PPP2R3C: variants seen among roughly 807,000 people sequenced by gnomAD.
The protein encoded by PPP2R3C is protein phosphatase 2 regulatory subunit B''gamma, also known as serine/threonine-protein phosphatase 2A regulatory subunit B'' subunit gamma.
A neutral mutation model predicts 63.7 loss-of-function variants in PPP2R3C; 47 were observed. That is an observed-to-expected ratio of 0.74 (90% CI 0.58 to 0.94). PPP2R3C has a LOEUF of 0.94. Ranked by LOEUF, PPP2R3C falls within the 40% of genes least tolerant of loss-of-function variation. The pLI is 0.00. For synonymous variants in PPP2R3C, 180 were observed against 177.4 expected (o/e 1.01, Z -0.12); for missense variants, 421 against 518.4 (o/e 0.81, Z 1.82).
chr14:35,108,576 T>G (rs1365373588), intron 4 of PPP2R3C, among the ~76,000 whole-genome samples: 1 of 151,878 alleles, frequency 6.6e-6, no homozygotes, highest in Admixed American at 6.6e-5. Context: ...GTATTTATAT[T>G]GTATTATATT....
Position 35,118,875 on chromosome 14 carries a change from C to T in PPP2R3C, c.59-2138G>A, listed in dbSNP as rs566950443. Among the ~76,000 whole-genome samples the T allele has an allele frequency of 2.0e-5, 3 of 151,522 alleles. No homozygotes were observed. In the East Asian group the frequency reaches 5.9e-4, roughly 30 times the overall value. On this transcript the variant is annotated intron_variant, in intron 1 of 12. Transcript: ENST00000261475. Reference sequence around the variant, plus strand: ...CACCACGTTGGCCAGGCTGGTCTGTCTCCTGACCTCAGGTGATCCACCCAC... The same window carrying T: ...CACCACGTTGGCCAGGCTGGTCTGTTTCCTGACCTCAGGTGATCCACCCAC...
chr14:35,090,396 C>T (rs1188329454), intron 11 of PPP2R3C, among the ~76,000 whole-genome samples: 1 of 151,776 alleles, frequency 6.6e-6, no homozygotes, highest in East Asian at 1.9e-4. Flanking sequence ...CATGTGGACC[C>T]AGTTATTGGG....
Position 35,096,553 on chromosome 14 carries a change from C to T in PPP2R3C, c.838+5G>A, listed in dbSNP as rs1384676850. The stretch of plus-strand genomic sequence containing the variant: ...TCAAATTTTAGCATTATGATAGGAA[C>T]ATACCATAAACTCTTAGGGCAGAAG... On this transcript the variant is annotated splice_donor_5th_base_variant and intron_variant, in intron 9 of 12. Transcript: ENST00000261475. The T allele has an allele frequency of 4.3e-6, 7 of 1,609,566 alleles. No homozygotes were observed. The highest frequency in any genetic ancestry group is 6.0e-6 in the Non-Finnish European group (7 of 1,176,270).
chr14:35,121,784 G>C (rs1267843836), intron 1 of PPP2R3C, 118 bp downstream of exon 1: 16 of 1,134,078 alleles, frequency 1.4e-5, no homozygotes, highest in Non-Finnish European at 1.9e-5. Flanking sequence ...CTCCTTTGTC[G>C]GGAGGTTTCA....
At chr14:35,103,074 C>T (rs2046249584) in intron 6 of PPP2R3C, among the ~76,000 whole-genome samples, 1 of 152,116 alleles carries the variant, frequency 6.6e-6, no homozygotes, top group South Asian at 2.1e-4. Flanking sequence ...CTTTGAGTTC[C>T]TTACATCCTC....
intron 11 of PPP2R3C, among the ~76,000 whole-genome samples, chr14:35,088,674 G>A (rs2045688436): frequency 1.3e-5 from 2 of 152,168 alleles, no homozygotes; most frequent in Non-Finnish European, 2.9e-5. Flanking sequence ...TCCCTTTGAA[G>A]TAGATAAGAA....
chr14:35,091,299 A>G, intron 10 of PPP2R3C, 92 bp from the exon 11 acceptor site: 1 of 1,249,394 alleles, frequency 8.0e-7, no homozygotes, highest in Non-Finnish European at 1.1e-6. Flanking sequence ...TTGCAATCAA[A>G]GGTGGCAAAT....
At chr14:35,117,155 C>G (rs1257088471) in intron 1 of PPP2R3C, 1 of 455,856 alleles carries the variant, frequency 2.2e-6, no homozygotes, top group Non-Finnish European at 4.4e-6. Context: ...GAGTTTCAGC[C>G]TCATAATCAC....
intron 12 of PPP2R3C, 25 bp downstream of exon 12, chr14:35,087,926 T>C (rs775120135): frequency 1.3e-6 from 2 of 1,530,486 alleles, no homozygotes; most frequent in East Asian, 4.5e-5. Flanking sequence ...TATCTGGTAA[T>C]ACGTAAATTA....
chr14:35,100,919 CTG>C (rs2046165050), intron 6 of PPP2R3C: 1 of 152,258 alleles, frequency 6.6e-6, no homozygotes, highest in African/African-American at 2.4e-5. Context: ...GTGTCAGCCA[CTG>C]TGCCTGGTTA....
chr14:35,109,970 AAAC>A (rs757816793), intron 3 of PPP2R3C, 39 bp from the exon 4 acceptor site: 50 of 1,429,894 alleles, frequency 3.5e-5, no homozygotes, highest in South Asian at 5.0e-5. Flanking sequence ...TGTAAGTTAA[AAAC>A]AACAAGATTT....
intron 12 of PPP2R3C, 22 bp downstream of exon 12, chr14:35,087,929 G>A (rs777760736): frequency 6.6e-5 from 103 of 1,550,586 alleles, no homozygotes; most frequent in South Asian, 3.7e-4. Flanking sequence ...CTGGTAATAC[G>A]TAAATTAAAG....
In PPP2R3C at chr14:35,085,673, A is replaced by T; in HGVS notation, c.1279T>A (p.Leu427Met). The T allele has an allele frequency of 6.2e-7, 1 of 1,613,502 alleles. No individual in the cohort carries two copies. The change falls in exon 13 of 13, where the codon TTG becomes ATG. Residue 427 changes from leucine to methionine, a missense_variant. This residue lies in a region of PPP2R3C where 231 missense variants were observed against 264.8 expected (regional missense o/e 0.87). Transcript: ENST00000261475. ...GDTVTTILID[L>M]NGFWTYENRE... is the part of the protein sequence containing the mutation. ...TTCTCGTAAGTCCAGAAGCCATTCA[A>T]ATCGATTAGAATGGTGGTTACTGTG...
chr14:35,102,082 A>G (rs2046215366), intron 6 of PPP2R3C: 1 of 142,992 alleles, frequency 7.0e-6, no homozygotes, highest in Non-Finnish European at 1.5e-5. Flanking sequence ...GCTGGAGTGC[A>G]GTGGCGCAAT....
chr14:35,115,411 G>A lies in PPP2R3C; in HGVS notation c.186+1199C>T, dbSNP rs533573736. Among the ~76,000 whole-genome samples, 17 of 151,402 alleles carry A rather than the reference G, an allele frequency of 1.1e-4. 1 individual carries two copies. In the South Asian group the frequency reaches 3.6e-3, roughly 32 times the overall value. On this transcript the variant is annotated intron_variant, in intron 2 of 12. Coordinates refer to ENST00000261475, the MANE Select transcript of PPP2R3C (RefSeq NM_017917.4). ...TGGCCTCAAGTGATCCTCCTGATTTGATGGCCTCCCAAAGTGACAGGATTA... is the reference window on the plus strand; with the variant it reads ...TGGCCTCAAGTGATCCTCCTGATTTAATGGCCTCCCAAAGTGACAGGATTA...
At chr14:35,098,505 T>C (rs1461343145) in intron 7 of PPP2R3C, among the ~76,000 whole-genome samples, 2 of 151,592 alleles carry the variant, frequency 1.3e-5, no homozygotes, top group African/African-American at 4.8e-5. Flanking sequence ...AGCCACCGTG[T>C]CCAGCCAATT....
In PPP2R3C at chr14:35,091,112, G is replaced by C. The variant is rs769611063; in HGVS notation, c.1071C>G (p.Asn357Lys). ...GTGAAAAGACATTCAGGTATCCTTTGTTCTCAATATCAAGCAGTTTGAAAA... is the reference window on the plus strand; with the variant it reads ...GTGAAAAGACATTCAGGTATCCTTTCTTCTCAATATCAAGCAGTTTGAAAA... The part of the protein sequence containing the change: ...QYIFKLLDIE[N>K]KGYLNVFSLN... Residue 357 changes from asparagine to lysine, a missense_variant, in exon 11 of 13, where the codon AAC (asparagine) becomes AAG (lysine). Asn to Lys is a moderately conservative substitution (Grantham distance 94). This residue lies in a region of PPP2R3C where 231 missense variants were observed against 264.8 expected (regional missense o/e 0.87). Coordinates refer to ENST00000261475, the MANE Select transcript of PPP2R3C (RefSeq NM_017917.4). 3.7e-6 allele frequency: 6 copies of C among 1,607,580 alleles called. No homozygotes were observed. The East Asian group carries it at 1.3e-4, about 36-fold the overall frequency.
intron 2 of PPP2R3C, among the ~76,000 whole-genome samples, chr14:35,113,841 C>T (rs1159134611): frequency 6.6e-6 from 1 of 152,160 alleles, no homozygotes; most frequent in Non-Finnish European, 1.5e-5. Context: ...CCTACCTGAT[C>T]TGCTTTGCCC....
intron 12 of PPP2R3C, 121 bp downstream of exon 12, chr14:35,087,830 A>G: frequency 1.3e-6 from 1 of 760,596 alleles, no homozygotes; most frequent in Non-Finnish European, 2.2e-6. Flanking sequence ...TCAGTTCAGA[A>G]CAAAAAGCAA....
Sources: gnomAD v4.1 joint callset for allele counts (sites outside exome capture counted in the v4.1 genomes callset) on GRCh38, gnomAD v4.1.1 for gene constraint, gnomAD v4.1.1 regional missense constraint, MANE v1.5 for transcripts, NCBI Gene and HGNC (gene_info 2026-07-23, HGNC 2026-07-21) for gene names.